The following HIVEP1 variants were observed in gnomAD, a reference collection of about 807,000 sequenced individuals.
HIVEP1 encodes zinc finger protein 40.
HIVEP1 carries 36 observed loss-of-function variants against 180.0 expected under a neutral mutation model. The ratio of observed to expected loss-of-function variants is 0.20; its 90% CI spans 0.15 to 0.26. The LOEUF (loss-of-function observed/expected upper bound fraction) is 0.26. Among genes scored for constraint, HIVEP1 ranks in the 10% least tolerant of loss-of-function variants. The pLI is 1.00. For synonymous variants in HIVEP1, 1,239 were observed against 1,239.0 expected (o/e 1.00, Z 0.00); for missense variants, 3,143 against 3,268.7 (o/e 0.96, Z 0.94).
At chr6:12,196,022 A>G in the HIVEP1 span, among the ~76,000 whole-genome samples, 1 of 152,232 alleles carries the variant, frequency 6.6e-6, no homozygotes, top group Non-Finnish European at 1.5e-5. Context: ...ATAATCTTGC[A>G]ACTAAGGCTA....
the HIVEP1 span, among the ~76,000 whole-genome samples, chr6:12,172,326 T>G: frequency 1.3e-5 from 2 of 152,166 alleles, no homozygotes; most frequent in Non-Finnish European, 2.9e-5. Flanking sequence ...AGATTGTTAC[T>G]GGGAACTAGA....
chr6:12,148,195 GT>G (rs1759485669), intron 7 of HIVEP1, among the ~76,000 whole-genome samples: 1 of 152,224 alleles, frequency 6.6e-6, no homozygotes, highest in African/African-American at 2.4e-5. Flanking sequence ...ACAGTTTCAA[GT>G]TTTGAAGTGG....
rs755370729 is a variant in HIVEP1, at chr6:12,125,024, G to A, written c.5229G>A (p.Ser1743=). The stretch of plus-strand genomic sequence containing the variant: ...CCCCTCAACAAGAATCTTCAGCTTC[G>A]AGTAAAAGGATGCTTTCCCCAGCAA... ...RLSPQQESSA[S]SKRMLSPANS... is the part of the protein sequence containing the mutation. The change falls in exon 4 of 9, where the codon TCG becomes TCA. Residue 1743 remains serine, a synonymous_variant. Coordinates refer to ENST00000379388, the MANE Select transcript of HIVEP1 (RefSeq NM_002114.4). 5.6e-6 allele frequency: 9 copies of A among 1,613,988 alleles called. No homozygotes were observed. The highest frequency in any genetic ancestry group is 2.2e-5 in the East Asian group (1 of 44,902).
At chr6:12,166,078 A>G (rs1760692978), downstream of HIVEP1, among the ~76,000 whole-genome samples, 1 of 152,242 alleles carries the variant, frequency 6.6e-6, no homozygotes, top group African/African-American at 2.4e-5. Flanking sequence ...AGCTTTGGAA[A>G]GAATTCTGGA....
At chr6:12,108,507 C>T (rs912918336) in intron 3 of HIVEP1, among the ~76,000 whole-genome samples, 2 of 152,192 alleles carry the variant, frequency 1.3e-5, no homozygotes, top group Non-Finnish European at 2.9e-5. Context: ...TCAGGCATGG[C>T]GGGCTGCAGG....
chr6:12,020,207 C>A, intron 2 of HIVEP1: 2 of 426,788 alleles, frequency 4.7e-6, no homozygotes, highest in Non-Finnish European at 4.9e-6. Context: ...CAGCGTTAAA[C>A]CAGATAGAAT....
At chr6:12,200,377 T>C in the HIVEP1 span, among the ~76,000 whole-genome samples, 137,593 of 152,316 alleles carry the variant, frequency 0.9, 62,511 homozygotes, top group East Asian at 0.97. Flanking sequence ...TATCTGCCTA[T>C]GGGGTAGCCC....
chr6:12,054,338 A>G (rs1770725869), intron 2 of HIVEP1, among the ~76,000 whole-genome samples: 1 of 152,244 alleles, frequency 6.6e-6, no homozygotes, highest in South Asian at 2.1e-4. Flanking sequence ...ATCCACATAC[A>G]GAAGTTATAG....
chr6:12,125,601 C>T lies in HIVEP1; in HGVS notation c.5806C>T (p.Leu1936=). The T allele has an allele frequency of 6.2e-7, 1 of 1,614,220 alleles. No homozygotes were observed. The highest frequency in any genetic ancestry group is 8.5e-7 in the Non-Finnish European group (1 of 1,180,032). ...CACCCAGCAGCTGGCTTTCCCTAGC[C>T]TGAAAACTACAACCAACTTTACATG... ...KDTQQLAFPS[L]KTTTNFTWCY... Residue 1936 remains leucine, a synonymous_variant, in exon 4 of 9, where the codon CTG becomes TTG. Coordinates refer to ENST00000379388, the MANE Select transcript of HIVEP1 (RefSeq NM_002114.4).
At chr6:12,091,732 T>G (rs1417693896) in intron 3 of HIVEP1, among the ~76,000 whole-genome samples, 1 of 152,146 alleles carries the variant, frequency 6.6e-6, no homozygotes, top group Admixed American at 6.5e-5. Context: ...TTAATTTGAT[T>G]TATTTTGATT....
intron 7 of HIVEP1, among the ~76,000 whole-genome samples, chr6:12,148,653 A>G (rs1037965292): frequency 1.3e-5 from 2 of 152,128 alleles, no homozygotes; most frequent in Non-Finnish European, 2.9e-5. Flanking sequence ...CCACACCGGG[A>G]TTTCATTTGC....
intron 2 of HIVEP1, among the ~76,000 whole-genome samples, chr6:12,080,667 G>A (rs1772728966): frequency 6.6e-6 from 1 of 151,980 alleles, no homozygotes; most frequent in South Asian, 2.1e-4. Context: ...TTTTCTCTTT[G>A]AACTTTTAAA....
At chr6:12,129,574 G>A in intron 4 of HIVEP1, 185 bp from the exon 5 acceptor site, 1 of 688,198 alleles carries the variant, frequency 1.5e-6, no homozygotes, top group Non-Finnish European at 2.7e-6. Context: ...TTATCAGTTT[G>A]CTGTGATTGA....
intron 2 of HIVEP1, among the ~76,000 whole-genome samples, chr6:12,033,732 A>G (rs1261083538): frequency 1.3e-5 from 2 of 152,340 alleles, no homozygotes; most frequent in East Asian, 3.9e-4. Context: ...AGAGTACCTT[A>G]TTCTAGAATA....
chr6:12,065,319 A>G (rs1561904642), intron 2 of HIVEP1, among the ~76,000 whole-genome samples: 1 of 152,228 alleles, frequency 6.6e-6, no homozygotes, highest in Non-Finnish European at 1.5e-5. Context: ...ACATGAAACA[A>G]GCAAGGTCAC....
intron 3 of HIVEP1, among the ~76,000 whole-genome samples, chr6:12,109,941 G>A (rs551461278): frequency 2.0e-5 from 3 of 152,312 alleles, no homozygotes; most frequent in East Asian, 1.9e-4. Flanking sequence ...TCCTTGATCC[G>A]TGGGCTGAAA....
the HIVEP1 span, among the ~76,000 whole-genome samples, chr6:12,174,943 G>A: frequency 5.9e-5 from 9 of 152,044 alleles, no homozygotes; most frequent in African/African-American, 1.9e-4. Context: ...GCATTACTTC[G>A]GTCCAGAGTT....
At chr6:12,206,596 A>T in the HIVEP1 span, among the ~76,000 whole-genome samples, 1 of 152,184 alleles carries the variant, frequency 6.6e-6, no homozygotes, top group Non-Finnish European at 1.5e-5. Flanking sequence ...CTTTAGAGGA[A>T]GCGTGGCCTT....
intron 7 of HIVEP1, among the ~76,000 whole-genome samples, chr6:12,147,815 G>A (rs1294460087): frequency 6.6e-6 from 1 of 152,152 alleles, no homozygotes; most frequent in Non-Finnish European, 1.5e-5. Context: ...ATGTATAAAT[G>A]TATAATGACT....
Sources: allele counts gnomAD v4.1 joint callset (sites outside exome capture counted in the v4.1 genomes callset), GRCh38; gene constraint gnomAD v4.1.1; transcripts MANE v1.5; gene names NCBI Gene and HGNC (gene_info 2026-07-23, HGNC 2026-07-21).